HTR1F: variants seen among roughly 807,000 people sequenced by gnomAD.
HTR1F encodes the protein 5-hydroxytryptamine (serotonin) receptor 1F, G protein-coupled.
HTR1F carries 17 observed loss-of-function variants against 24.0 expected under a neutral mutation model. The observed-to-expected ratio is 0.71, with a 90% CI of 0.48 to 1.06. The LOEUF (loss-of-function observed/expected upper bound fraction) is 1.06. HTR1F is among the 50% of genes least tolerant of loss of function. The probability of loss-of-function intolerance (pLI) is 0.00; values close to 1 mark genes in which losing one functional copy is unlikely to be tolerated. For synonymous variants in HTR1F, 186 were observed against 156.8 expected (o/e 1.19, Z -1.39); for missense variants, 391 against 427.8 (o/e 0.91, Z 0.76).
At chr3:87,984,454 T>C (rs1246488459) in intron 2 of HTR1F, among the ~76,000 whole-genome samples, 1 of 95,432 alleles carries the variant, frequency 1.0e-5, no homozygotes, top group Non-Finnish European at 2.4e-5. Flanking sequence ...TTTTTGTTTG[T>C]TTGTTTTGTT....
chr3:87,990,567 A>G, intron 2 of HTR1F, 141 bp from the exon 3 acceptor site: 1 of 509,490 alleles, frequency 2.0e-6, no homozygotes, highest in Non-Finnish European at 3.4e-6. Context: ...GAAAACTAAA[A>G]CCTTCAATCT....
chr3:87,887,491 A>G (rs1003120964), intron 2 of HTR1F, among the ~76,000 whole-genome samples: 4 of 152,202 alleles, frequency 2.6e-5, no homozygotes, highest in African/African-American at 4.8e-5. Context: ...TAATTAAACT[A>G]AAGAGCTTCT....
chr3:87,796,251 G>A (rs1403503876), intron 1 of HTR1F, among the ~76,000 whole-genome samples: 1 of 149,414 alleles, frequency 6.7e-6, no homozygotes, highest in African/African-American at 2.4e-5. Flanking sequence ...GGTGTTGGAA[G>A]GAAAGGAATT....
chr3:87,890,876 C>G lies in HTR1F; in HGVS notation c.-43+68752C>G, dbSNP rs1178312385. Among the ~76,000 whole-genome samples the G allele has an allele frequency of 2.7e-5, 4 of 146,128 alleles. No homozygotes were observed. The South Asian group carries it at 6.4e-4, about 23-fold the overall frequency. ...TTTTTTTTTGAGACAGAGTCTTGCTCTGTTGCCCAGGCTGGAGTGCAATGG... is the reference window on the plus strand; with the variant it reads ...TTTTTTTTTGAGACAGAGTCTTGCTGTGTTGCCCAGGCTGGAGTGCAATGG... On this transcript the variant is annotated intron_variant, in intron 2 of 2. Coordinates refer to ENST00000319595, the MANE Select transcript of HTR1F (RefSeq NM_001322209.2).
intron 2 of HTR1F, among the ~76,000 whole-genome samples, chr3:87,882,766 T>G: frequency 6.6e-6 from 1 of 150,580 alleles, no homozygotes; most frequent in Non-Finnish European, 1.5e-5. Flanking sequence ...GATGACAAGT[T>G]AGTGGGTGCA....
At chr3:87,902,811 A>G (rs992853183) in intron 2 of HTR1F, among the ~76,000 whole-genome samples, 2 of 132,668 alleles carry the variant, frequency 1.5e-5, no homozygotes, top group Non-Finnish European at 3.1e-5. Context: ...ATGTGTTCTC[A>G]TTGTTCAATT....
At chr3:87,986,597 T>G (rs145074689) in intron 2 of HTR1F, among the ~76,000 whole-genome samples, 1 of 152,228 alleles carries the variant, frequency 6.6e-6, no homozygotes, top group Non-Finnish European at 1.5e-5. Flanking sequence ...CTTGTCAATT[T>G]TGCTACATAA....
At chr3:87,908,057 C>G (rs370856651) in intron 2 of HTR1F, among the ~76,000 whole-genome samples, 1 of 151,854 alleles carries the variant, frequency 6.6e-6, no homozygotes, top group African/African-American at 2.4e-5. Context: ...TGGAAAAATA[C>G]TTTTTCGAAT....
At chr3:87,846,181 C>T (rs1704937886) in intron 2 of HTR1F, among the ~76,000 whole-genome samples, 1 of 151,930 alleles carries the variant, frequency 6.6e-6, no homozygotes. Flanking sequence ...GCCTGTAATC[C>T]CAGCACTTTG....
intron 2 of HTR1F, among the ~76,000 whole-genome samples, chr3:87,829,753 T>A (rs1223135302): frequency 6.6e-6 from 1 of 152,212 alleles, no homozygotes; most frequent in East Asian, 1.9e-4. Flanking sequence ...GAAAAGGAAA[T>A]TTGCAAAAAT....
At chr3:87,805,299 G>A (rs1704055936) in intron 1 of HTR1F, among the ~76,000 whole-genome samples, 1 of 151,918 alleles carries the variant, frequency 6.6e-6, no homozygotes, top group African/African-American at 2.4e-5. Context: ...TAGCAGAAAA[G>A]TTAAGATATT....
chr3:87,821,673 G>A (rs1190694088), intron 1 of HTR1F, among the ~76,000 whole-genome samples: 1 of 152,092 alleles, frequency 6.6e-6, no homozygotes, highest in East Asian at 1.9e-4. Context: ...AAATGTCATA[G>A]TTAAGTTTAA....
chr3:87,825,288 C>T (rs981873276), intron 2 of HTR1F, among the ~76,000 whole-genome samples: 7 of 152,208 alleles, frequency 4.6e-5, no homozygotes, highest in East Asian at 3.9e-4. Context: ...CTGACCTTAC[C>T]GATAATGAGT....
chr3:87,883,781 A>G (rs541416072), intron 2 of HTR1F, among the ~76,000 whole-genome samples: 5 of 152,280 alleles, frequency 3.3e-5, no homozygotes, highest in African/African-American at 1.2e-4. Flanking sequence ...AAGCAAGAAG[A>G]CAAGTTTAGA....
chr3:87,856,752 C>T (rs1705207299), intron 2 of HTR1F, among the ~76,000 whole-genome samples: 1 of 151,996 alleles, frequency 6.6e-6, no homozygotes, highest in Non-Finnish European at 1.5e-5. Flanking sequence ...AATGTATGCC[C>T]ATGTAAATAT....
At chr3:87,846,849 A>G (rs548248095) in intron 2 of HTR1F, among the ~76,000 whole-genome samples, 19 of 152,080 alleles carry the variant, frequency 1.2e-4, no homozygotes, top group African/African-American at 4.4e-4. Context: ...GCTGGAGTTG[A>G]ATTTTATAGT....
intron 2 of HTR1F, among the ~76,000 whole-genome samples, chr3:87,983,372 G>A (rs1397526319): frequency 6.6e-6 from 1 of 152,190 alleles, no homozygotes; most frequent in Admixed American, 6.5e-5. Flanking sequence ...ATCTCTCTCA[G>A]TAAGCAGGTC....
chr3:87,937,112 C>T (rs1190606473), intron 2 of HTR1F, among the ~76,000 whole-genome samples: 1 of 147,834 alleles, frequency 6.8e-6, no homozygotes, highest in Admixed American at 6.8e-5. Flanking sequence ...AGGACGGACT[C>T]CTCCCCAACT....
intron 1 of HTR1F, among the ~76,000 whole-genome samples, chr3:87,797,430 TG>T (rs1703924149): frequency 6.6e-6 from 1 of 152,234 alleles, no homozygotes; most frequent in Non-Finnish European, 1.5e-5. Context: ...CAATGCAGTA[TG>T]TTTGAAATGC....
Sources: allele counts gnomAD v4.1 joint callset (sites outside exome capture counted in the v4.1 genomes callset), GRCh38; gene constraint gnomAD v4.1.1; transcripts MANE v1.5; gene names NCBI Gene and HGNC (gene_info 2026-07-23, HGNC 2026-07-21).